The following ANKRD36B variants were observed in gnomAD, a reference collection of about 807,000 sequenced individuals.
ANKRD36B encodes ankyrin repeat domain 36B.
A neutral mutation model predicts 135.7 loss-of-function variants in ANKRD36B; 37 were observed. The observed-to-expected ratio is 0.27, with a 90% CI of 0.21 to 0.36. The LOEUF (loss-of-function observed/expected upper bound fraction) is 0.36. Among genes scored for constraint, ANKRD36B ranks in the 10% least tolerant of loss-of-function variants. The pLI, the probability that ANKRD36B is intolerant of heterozygous loss-of-function variation, is 1.00. For missense variants in ANKRD36B, 549 were observed against 1,037.1 expected (o/e 0.53, Z 6.46); for synonymous variants, 179 against 348.1 (o/e 0.51, Z 5.41).
In ANKRD36B at chr2:97,539,984, T is replaced by C. The variant is rs1335364060; in HGVS notation, c.1987+50A>G. 3.7e-6 allele frequency: 3 copies of C among 816,172 alleles called. 1 individual carries two copies. The South Asian group carries it at 4.0e-5, about 11-fold the overall frequency. The allele number at this position is 816,172 out of a possible 1,614,324, so 50.6% of individuals were successfully genotyped here. On this transcript the variant is annotated intron_variant, in intron 30 of 43. Transcript: ENST00000359901. ...GCTGATTTATTTGGGGAAGAGAAGT[T>C]CTTTTCTATCTGGACTGAACATGAC...
rs186284136 is a variant in ANKRD36B, at chr2:97,572,903, C to T, written c.763+3476G>A. The stretch of plus-strand genomic sequence containing the variant: ...AAGACGTCAGCTTCTCCAAACTGCT[C>T]GTCTGTAGGCTACTTCTTTTTTTTT... On this transcript the variant is annotated intron_variant, in intron 6 of 43. Transcript: ENST00000359901. Among the ~76,000 whole-genome samples the T allele has an allele frequency of 1.4e-3, 214 of 151,456 alleles. 8 individuals carry two copies. The East Asian group carries it at 0.038, about 27-fold the overall frequency.
At chr2:97,562,721 C>T (rs1399898206) in intron 6 of ANKRD36B, among the ~76,000 whole-genome samples, 1 of 151,982 alleles carries the variant, frequency 6.6e-6, no homozygotes, top group South Asian at 2.1e-4. Flanking sequence ...TTTTCACCAC[C>T]ACTGTATGTG....
rs1268050654 is a variant in ANKRD36B, at chr2:97,530,141, C to CT, written c.2265+2169dup. ...AACAAAGCTGGAGGCATCACACTAC[C>CT]TGACTTCAAACTATACTACAAGGCT... On this transcript the variant is annotated intron_variant, in intron 35 of 43. Coordinates refer to ENST00000359901, the MANE Select transcript of ANKRD36B (RefSeq NM_001393939.1). Among the ~76,000 whole-genome samples the CT allele has an allele frequency of 2.1e-5, 2 of 96,066 alleles. 1 individual carries two copies. Among genetic ancestry groups the CT allele is most frequent in the Non-Finnish European group, 5.5e-5 (2 of 36,190 alleles). 63.0% of individuals were successfully genotyped at this position (96,066 alleles called of 152,430 possible).
chr2:97,551,587 G>C, intron 16 of ANKRD36B, 107 bp from the exon 17 acceptor site: 6 of 1,545,160 alleles, frequency 3.9e-6, no homozygotes, highest in Admixed American at 1.7e-5. Context: ...CTGTATTAGC[G>C]TAGGTTTTGA....
Position 97,560,083 on chromosome 2 carries a change from ATCT to A in ANKRD36B, c.865+579_865+581del, listed in dbSNP as rs1367998765. Among the ~76,000 whole-genome samples, 9 of 151,994 alleles carry A rather than the reference ATCT, an allele frequency of 5.9e-5. No individual in the cohort carries two copies. The South Asian group carries it at 1.7e-3, about 28-fold the overall frequency. On this transcript the variant is annotated intron_variant, in intron 8 of 43. Transcript: ENST00000359901. ...TAGTTCTCAGAGCAGCCAAAATCAA[ATCT>A]TCTTTTATGCAAATATTCCAAATGC...
chr2:97,535,186 G>A (rs1221895805), intron 34 of ANKRD36B, among the ~76,000 whole-genome samples: 22 of 99,240 alleles, frequency 2.2e-4, no homozygotes, highest in African/African-American at 6.0e-4. Flanking sequence ...GTGTGGGGGT[G>A]GTAGGAAAAG....
chr2:97,560,851 T>G lies in ANKRD36B; in HGVS notation c.773A>C (p.Gln258Pro). ...AATTACCTTCTCAGCTCGTTGTTTCTGAGGAGACACTGAAAAGCAAAAGGG... is the reference window on the plus strand; with the variant it reads ...AATTACCTTCTCAGCTCGTTGTTTCGGAGGAGACACTGAAAAGCAAAAGGG... The part of the protein sequence containing the change: ...LPINSNPVSP[Q>P]KQRAEKATSD... The change falls in exon 7 of 44, where the codon CAG (glutamine) becomes CCG (proline). Residue 258 changes from glutamine to proline, a missense_variant. Transcript: ENST00000359901. 6.4e-7 allele frequency: 1 copy of G among 1,574,740 alleles called. No individual in the cohort carries two copies. The highest frequency in any genetic ancestry group is 1.1e-5 in the South Asian group (1 of 89,972).
intron 12 of ANKRD36B, 37 bp from the exon 13 acceptor site, chr2:97,555,291 A>G (rs1358324350): frequency 6.2e-7 from 1 of 1,608,672 alleles, no homozygotes; most frequent in Non-Finnish European, 8.5e-7. Flanking sequence ...ACTCATATGT[A>G]AATATGATAA....
intron 34 of ANKRD36B, among the ~76,000 whole-genome samples, chr2:97,533,585 A>T (rs2104472295): frequency 1.0e-5 from 1 of 96,842 alleles, no homozygotes; most frequent in South Asian, 2.4e-4. Flanking sequence ...TCATCAGAGA[A>T]ACTGTTTAAA....
Position 97,564,731 on chromosome 2 carries a change from T to C in ANKRD36B, c.764-3871A>G, listed in dbSNP as rs548338911. Reference sequence around the variant, plus strand: ...GCCTCTGTTCTGTTCCATTGGTCTATATATCTCTTTTGGTACCAGTACCAT... The same window carrying C: ...GCCTCTGTTCTGTTCCATTGGTCTACATATCTCTTTTGGTACCAGTACCAT... On this transcript the variant is annotated intron_variant, in intron 6 of 43. Coordinates refer to ENST00000359901, the MANE Select transcript of ANKRD36B (RefSeq NM_001393939.1). Among the ~76,000 whole-genome samples the C allele has an allele frequency of 1.8e-4, 27 of 152,300 alleles. 1 individual carries two copies. In the South Asian group the frequency reaches 5.2e-3, roughly 29 times the overall value.
At chr2:97,560,943 G>C in intron 6 of ANKRD36B, 83 bp from the exon 7 acceptor site, 3 of 1,166,578 alleles carry the variant, frequency 2.6e-6, no homozygotes, top group Non-Finnish European at 3.6e-6. Context: ...TAGCATGTTA[G>C]CATCAAGTTT....
At chr2:97,588,183 A>G (rs1372026218) in intron 1 of ANKRD36B, among the ~76,000 whole-genome samples, 1 of 152,046 alleles carries the variant, frequency 6.6e-6, no homozygotes, top group Non-Finnish European at 1.5e-5. Context: ...TTTAATCTAC[A>G]TTCCATAACG....
chr2:97,582,087 C>T (rs1238144043), intron 3 of ANKRD36B, among the ~76,000 whole-genome samples: 1 of 151,440 alleles, frequency 6.6e-6, no homozygotes, highest in East Asian at 1.9e-4. Context: ...GGATTACAGG[C>T]GTGAGCCACT....
intron 16 of ANKRD36B, 43 bp downstream of exon 16, chr2:97,553,125 T>C (rs749191926): frequency 2.5e-6 from 4 of 1,591,448 alleles, no homozygotes; most frequent in East Asian, 2.3e-5. Flanking sequence ...AGTTCGTTTC[T>C]ATCTGGATTG....
At chr2:97,563,492 G>A (rs952909762) in intron 6 of ANKRD36B, among the ~76,000 whole-genome samples, 3 of 151,720 alleles carry the variant, frequency 2.0e-5, no homozygotes, top group East Asian at 3.9e-4. Context: ...GCTTTACGGG[G>A]TGTTTCTTCA....
At position 97,562,932 on chromosome 2, in the gene ANKRD36B, C is replaced by T. The variant is rs536984858; in HGVS notation, c.764-2072G>A. ...GAGTATCTATCATCTCTTATTTTGTCGCTATGCTTTCACCTCATATTATGA... is the reference window on the plus strand; with the variant it reads ...GAGTATCTATCATCTCTTATTTTGTTGCTATGCTTTCACCTCATATTATGA... On this transcript the variant is annotated intron_variant, in intron 6 of 43. Coordinates refer to ENST00000359901, the MANE Select transcript of ANKRD36B (RefSeq NM_001393939.1). Among the ~76,000 whole-genome samples the T allele has an allele frequency of 5.3e-5, 8 of 152,066 alleles. No homozygotes were observed. In the South Asian group the frequency reaches 1.7e-3, roughly 32 times the overall value.
rs190071110 is a variant in ANKRD36B at position 97,550,335 on chromosome 2, T to C, written c.1376-721A>G. Among the ~76,000 whole-genome samples, 1,119 of 148,968 alleles carry C rather than the reference T, an allele frequency of 7.5e-3. 51 individuals carry two copies. In the East Asian group the frequency reaches 0.11, roughly 14 times the overall value. On this transcript the variant is annotated intron_variant, in intron 18 of 43. Coordinates refer to ENST00000359901, the MANE Select transcript of ANKRD36B (RefSeq NM_001393939.1). The stretch of plus-strand genomic sequence containing the variant: ...TCATCAATTATCAATTTTGACATAT[T>C]TCTACAAAGTAAAACTGCTACAAGC...
chr2:97,557,316 G>A (rs1211888304), intron 10 of ANKRD36B, among the ~76,000 whole-genome samples, 184 bp from the exon 11 acceptor site: 3 of 151,692 alleles, frequency 2.0e-5, no homozygotes, highest in Non-Finnish European at 2.9e-5. Flanking sequence ...AGGAATACAC[G>A]CTTCCAGAAA....
At position 97,551,326 on chromosome 2, in the gene ANKRD36B, T is replaced by C. The variant is rs1299552614; in HGVS notation, c.1338A>G (p.Ile446Met). 14 of 1,581,580 alleles carry C rather than the reference T, an allele frequency of 8.9e-6. No homozygotes were observed. The highest frequency in any genetic ancestry group is 1.1e-5 in the Non-Finnish European group (13 of 1,166,594). The change falls in exon 18 of 44, where the codon ATA becomes ATG. Residue 446 changes from isoleucine (I) to methionine (M), a missense_variant. Physicochemically the swap from Ile to Met is conservative, Grantham distance 10. Coordinates refer to ENST00000359901, the MANE Select transcript of ANKRD36B (RefSeq NM_001393939.1). ...TSDEKDSFSNITREKKDGEIS... is the reference protein window; with the variant it reads ...TSDEKDSFSNMTREKKDGEIS... ...TTTCTCCATCCTTTTTTTCTCTGGTTATATTCGAAAAAGAATCTTTCTCAT... is the reference window on the plus strand; with the variant it reads ...TTTCTCCATCCTTTTTTTCTCTGGTCATATTCGAAAAAGAATCTTTCTCAT...
Sources: allele counts gnomAD v4.1 joint callset (sites outside exome capture counted in the v4.1 genomes callset), GRCh38; gene constraint gnomAD v4.1.1; transcripts MANE v1.5; gene names NCBI Gene and HGNC (gene_info 2026-07-23, HGNC 2026-07-21).